SNCAIP: variants seen among roughly 807,000 people sequenced by gnomAD.
SNCAIP encodes synphilin-1.
Under a neutral mutation model 86.7 loss-of-function variants are expected in SNCAIP, and 43 were observed. The ratio of observed to expected loss-of-function variants is 0.50; its 90% CI spans 0.39 to 0.64. The LOEUF is 0.64. Ranked by LOEUF, SNCAIP falls within the 30% of genes least tolerant of loss-of-function variation. The pLI, the probability that SNCAIP is intolerant of heterozygous loss-of-function variation, is 0.00. For missense variants in SNCAIP, 981 were observed against 1,103.1 expected (o/e 0.89, Z 1.57); for synonymous variants, 417 against 427.2 (o/e 0.98, Z 0.29).
At chr5:122,350,640 C>T (rs1368740245) in intron 1 of SNCAIP, among the ~76,000 whole-genome samples, 1 of 152,078 alleles carries the variant, frequency 6.6e-6, no homozygotes, top group African/African-American at 2.4e-5. Flanking sequence ...CGTTTTGATG[C>T]AACAATCATC....
Position 122,378,771 on chromosome 5 carries a change from T to C in SNCAIP, c.-46-12318T>C, listed in dbSNP as rs200461055. 3.5e-5 allele frequency among the ~76,000 whole-genome samples: 5 copies of C among 141,576 alleles called. No homozygotes were observed. In the East Asian group the frequency reaches 1.1e-3, roughly 30 times the overall value. The allele number at this position is 141,576 out of a possible 152,430, so 92.9% of individuals were successfully genotyped here. On this transcript the variant is annotated intron_variant, in intron 1 of 10. Transcript: ENST00000261368. ...GCTTTCTACATATGGCTAGCCAGTT[T>C]TCCCAGCACCATTTATTAAATAGGG...
chr5:122,422,840 GCTTT>G, intron 3 of SNCAIP, 24 bp from the exon 4 acceptor site: 1 of 1,596,216 alleles, frequency 6.3e-7, no homozygotes, highest in South Asian at 1.1e-5. Flanking sequence ...CAGATTAATA[GCTTT>G]CTATTTTAAT....
chr5:122,346,931 T>C (rs1758723726), intron 1 of SNCAIP, among the ~76,000 whole-genome samples: 1 of 152,000 alleles, frequency 6.6e-6, no homozygotes, highest in African/African-American at 2.4e-5. Context: ...GAGAGATTAA[T>C]GATATGGATA....
chr5:122,439,706 C>G (rs914583020), intron 6 of SNCAIP, among the ~76,000 whole-genome samples: 2 of 152,148 alleles, frequency 1.3e-5, no homozygotes, highest in African/African-American at 2.4e-5. Context: ...AAGGTTATTT[C>G]AAACACATGA....
chr5:122,404,846 GAC>G (rs1405155929), intron 3 of SNCAIP, among the ~76,000 whole-genome samples: 1 of 152,100 alleles, frequency 6.6e-6, no homozygotes, highest in Non-Finnish European at 1.5e-5. Flanking sequence ...TCTTAGGAGA[GAC>G]AGGAAAAATA....
chr5:122,353,130 T>G (rs886860165), intron 1 of SNCAIP, among the ~76,000 whole-genome samples: 1 of 152,162 alleles, frequency 6.6e-6, no homozygotes, highest in African/African-American at 2.4e-5. Context: ...CAGCAGAATT[T>G]TAGAGCCAGA....
chr5:122,415,653 G>T (rs190256847), intron 3 of SNCAIP, among the ~76,000 whole-genome samples: 8 of 152,202 alleles, frequency 5.3e-5, no homozygotes, highest in African/African-American at 1.9e-4. Flanking sequence ...CAGTAACTCA[G>T]AGTCCTTTGT....
At position 122,451,026 on chromosome 5, in the gene SNCAIP, G is replaced by T; in HGVS notation, c.2179G>T (p.Ala727Ser). The change falls in exon 10 of 11, where the codon GCA becomes TCA. Residue 727 changes from alanine (A) to serine (S), a missense_variant. Transcript: ENST00000261368. ...LHLMIKKHTLASGGRRFPFSI... is the reference protein window; with the variant it reads ...LHLMIKKHTLSSGGRRFPFSI... Reference sequence around the variant, plus strand: ...CCTGATGATTAAGAAACACACCTTGGCATCAGGGGGACGCAGGTTTCCTTT... The same window carrying T: ...CCTGATGATTAAGAAACACACCTTGTCATCAGGGGGACGCAGGTTTCCTTT... The T allele has an allele frequency of 1.2e-6, 2 of 1,614,128 alleles. No individual in the cohort carries two copies. The highest frequency in any genetic ancestry group is 1.7e-6 in the Non-Finnish European group (2 of 1,180,020).
chr5:122,352,357 A>G (rs1376104106), intron 1 of SNCAIP, among the ~76,000 whole-genome samples: 1 of 152,152 alleles, frequency 6.6e-6, no homozygotes, highest in Non-Finnish European at 1.5e-5. Context: ...TAGAGTTTCT[A>G]TTGGGCTCTC....
chr5:122,374,011 A>T (rs1476861725), intron 1 of SNCAIP, among the ~76,000 whole-genome samples: 2 of 152,178 alleles, frequency 1.3e-5, no homozygotes, highest in East Asian at 3.9e-4. Context: ...TACTAACAGG[A>T]TGTACATGGA....
At chr5:122,358,203 G>GTGTGTGTGTGTGTGTATA (rs1221236719) in intron 1 of SNCAIP, among the ~76,000 whole-genome samples, 1 of 130,336 alleles carries the variant, frequency 7.7e-6, no homozygotes, top group Admixed American at 7.8e-5. Context: ...GTGTGTGTGT[G>GTGTGTGTGTGTGTGTATA]TATATATATA....
intron 5 of SNCAIP, among the ~76,000 whole-genome samples, chr5:122,426,480 A>AT (rs1256384916): frequency 4.6e-5 from 7 of 152,132 alleles, no homozygotes; most frequent in Non-Finnish European, 8.8e-5. Context: ...CGCAAACCTG[A>AT]TTTTTTTGTA....
chr5:122,379,656 G>A (rs1033209836), intron 1 of SNCAIP, among the ~76,000 whole-genome samples: 12 of 151,902 alleles, frequency 7.9e-5, no homozygotes, highest in Non-Finnish European at 1.5e-4. Context: ...TGCCCATTCA[G>A]TATGATATTG....
rs114573318 is a variant in SNCAIP at position 122,363,553 on chromosome 5, G to A, written c.-46-27536G>A. On this transcript the variant is annotated intron_variant, in intron 1 of 10. Coordinates refer to ENST00000261368, the MANE Select transcript of SNCAIP (RefSeq NM_005460.4). ...AGGCCCAGGAGAAGGGAAAATGGGT[G>A]TAGAACAGATGTAAACACAAGTGTG... 7.6e-3 allele frequency among the ~76,000 whole-genome samples: 1,163 copies of A among 152,182 alleles called. 22 individuals carry two copies. The highest frequency in any genetic ancestry group is 0.027 in the African/African-American group (1,105 of 41,512).
intron 1 of SNCAIP, among the ~76,000 whole-genome samples, chr5:122,360,729 A>G (rs1164120378): frequency 6.6e-6 from 1 of 152,322 alleles, no homozygotes; most frequent in East Asian, 1.9e-4. Context: ...CATGAAATTC[A>G]GTAGCTGGAA....
At chr5:122,398,610 C>T (rs1426609619) in intron 2 of SNCAIP, among the ~76,000 whole-genome samples, 2 of 152,124 alleles carry the variant, frequency 1.3e-5, no homozygotes, top group Non-Finnish European at 2.9e-5. Flanking sequence ...TCATGAATTT[C>T]ACCATGGTTG....
At chr5:122,440,484 T>C (rs1319436987) in intron 6 of SNCAIP, 145 bp from the exon 7 acceptor site, 11 of 765,158 alleles carry the variant, frequency 1.4e-5, no homozygotes, top group Non-Finnish European at 2.2e-5. Flanking sequence ...GGATTTTCAA[T>C]TCACATCTGA....
intron 10 of SNCAIP, among the ~76,000 whole-genome samples, chr5:122,459,667 T>A (rs1785646511): frequency 6.6e-6 from 1 of 152,140 alleles, no homozygotes; most frequent in African/African-American, 2.4e-5. Flanking sequence ...ATTTTAGTGT[T>A]TTTGACCACA....
chr5:122,454,348 C>T (rs1195873001), intron 10 of SNCAIP: 2 of 152,646 alleles, frequency 1.3e-5, no homozygotes. Context: ...CTAGGGGGCT[C>T]ATTAATTCAG....
Sources: allele counts gnomAD v4.1 joint callset (sites outside exome capture counted in the v4.1 genomes callset), GRCh38; gene constraint gnomAD v4.1.1; transcripts MANE v1.5; gene names NCBI Gene and HGNC (gene_info 2026-07-23, HGNC 2026-07-21).